Variants in USP35 observed in about 807,000 individuals in gnomAD.
USP35 encodes ubiquitin specific peptidase 35, also known as ubiquitin carboxyl-terminal hydrolase 35.
A neutral mutation model predicts 83.8 loss-of-function variants in USP35; 69 were observed. The ratio of observed to expected loss-of-function variants is 0.82; its 90% CI spans 0.68 to 1.01. USP35 has a LOEUF of 1.01. Ranked by LOEUF, USP35 falls within the 50% of genes least tolerant of loss-of-function variation. The pLI is 0.00. For synonymous variants in USP35, 714 were observed against 589.5 expected, an observed-to-expected ratio of 1.21 and a Z score of -3.06; for missense variants, 1,503 against 1,362.5, an observed-to-expected ratio of 1.10 and a Z score of -1.62.
chr11:78,226,167 G>A, the USP35 span, among the ~76,000 whole-genome samples: 1 of 152,074 alleles, frequency 6.6e-6, no homozygotes, highest in African/African-American at 2.4e-5. Flanking sequence ...ACAATGATTT[G>A]GGCTTCTAAA....
At chr11:78,191,841 C>CTTTTTT (rs1215811595) in intron 1 of USP35, among the ~76,000 whole-genome samples, 1 of 133,468 alleles carries the variant, frequency 7.5e-6, no homozygotes, top group Admixed American at 7.6e-5. Context: ...CGGCCCTCAT[C>CTTTTTT]TTTTTTTTTT....
intron 1 of USP35, among the ~76,000 whole-genome samples, chr11:78,190,223 A>G (rs1862960036): frequency 1.3e-5 from 2 of 152,124 alleles, no homozygotes; most frequent in African/African-American, 4.8e-5. Flanking sequence ...CCTGAAGGCT[A>G]ACCAGGAACA....
Position 78,196,815 on chromosome 11 carries a change from G to C in USP35, c.570G>C (p.Glu190Asp). 1 of 1,532,644 alleles carries C rather than the reference G, an allele frequency of 6.5e-7. No homozygotes were observed. 94.9% of individuals were successfully genotyped at this position (1,532,644 alleles called of 1,614,324 possible). ...AGGAGGGCGCCGTGGAGTTCCTAGA[G>C]CAGGCCCAGCAGGTGAGCGGGCTCC... ...EGEEGAVEFL[E>D]QAQQVSGLLA... The change falls in exon 2 of 11, where the codon GAG (glutamate) becomes GAC (aspartate). Residue 190 changes from glutamate (E) to aspartate (D), a missense_variant. Physicochemically the swap from Glu to Asp is conservative, Grantham distance 45. Coordinates refer to ENST00000529308, the MANE Select transcript of USP35 (RefSeq NM_020798.4). The surrounding 1 kb of genome is among the most constrained non-coding windows in gnomAD (Gnocchi z 4.8).
chr11:78,228,125 T>A, the USP35 span, among the ~76,000 whole-genome samples: 2 of 152,174 alleles, frequency 1.3e-5, no homozygotes, highest in African/African-American at 4.8e-5. Context: ...CTCTCTCAGG[T>A]GGGACCTAGT....
chr11:78,196,652 C>T lies in USP35; in HGVS notation c.407C>T (p.Pro136Leu). 1.4e-6 allele frequency: 2 copies of T among 1,393,398 alleles called. No individual in the cohort carries two copies. The highest frequency in any genetic ancestry group is 1.8e-6 in the Non-Finnish European group (2 of 1,082,628). The allele number at this position is 1,393,398 out of a possible 1,614,324, so 86.3% of individuals were successfully genotyped here. The stretch of plus-strand genomic sequence containing the variant: ...GTGCTGCGCACCGTGTGCGAGCGCC[C>T]GGGCCCCGCGGCCTGCGCGCAGGTG... ...REVLRTVCER[P>L]GPAACAQVAR... The change falls in exon 2 of 11, where the codon CCG becomes CTG. Residue 136 changes from proline to leucine, a missense_variant. Pro to Leu is a moderately conservative substitution (Grantham distance 98, BLOSUM62 -3). Transcript: ENST00000529308. This position sits in a 1 kb window ranked among gnomAD's most constrained non-coding sequence, Gnocchi z 4.8.
In USP35 at chr11:78,196,403, C is replaced by T. The variant is rs1418516247; in HGVS notation, c.158C>T (p.Ala53Val). ...GGCGCGCGCCTCTACGTGGGCGGCG[C>T]GGAGGAGCTGCCGCGCCGCGTGGGC... is the stretch of plus-strand genomic sequence containing the variant. ...ALGARLYVGG[A>V]EELPRRVGCQ... Residue 53 changes from alanine to valine, a missense_variant, in exon 2 of 11, where the codon GCG (alanine) becomes GTG (valine). Transcript: ENST00000529308. This position sits in a 1 kb window ranked among gnomAD's most constrained non-coding sequence, Gnocchi z 4.8. 3.0e-6 allele frequency: 4 copies of T among 1,354,542 alleles called. No homozygotes were observed. The highest frequency in any genetic ancestry group is 3.4e-5 in the South Asian group (2 of 58,874). The allele number at this position is 1,354,542 out of a possible 1,614,324, so 83.9% of individuals were successfully genotyped here.
At chr11:78,197,771 G>A (rs1863198332) in intron 2 of USP35, among the ~76,000 whole-genome samples, 165 bp from the exon 3 acceptor site, 1 of 152,232 alleles carries the variant, frequency 6.6e-6, no homozygotes, top group Admixed American at 6.5e-5. Flanking sequence ...TGTTGAGTGA[G>A]TTTAGGTGGA....
intron 2 of USP35, among the ~76,000 whole-genome samples, chr11:78,197,239 G>C (rs887156850): frequency 4.2e-5 from 1 of 23,692 alleles, no homozygotes; most frequent in African/African-American, 1.9e-4. Context: ...CGGGGGAGGT[G>C]GGGGGGGGGG....
the USP35 span, among the ~76,000 whole-genome samples, chr11:78,232,270 G>A: frequency 1.3e-5 from 2 of 152,144 alleles, no homozygotes; most frequent in African/African-American, 4.8e-5. Flanking sequence ...CAGTGATTCT[G>A]GAATCTCACC....
At chr11:78,200,359 C>A in intron 5 of USP35, 125 bp downstream of exon 5, 1 of 1,179,594 alleles carries the variant, frequency 8.5e-7, no homozygotes, top group Non-Finnish European at 1.2e-6. Flanking sequence ...GGTCACTTGG[C>A]TGAGGCCAAG....
Position 78,196,149 on chromosome 11 carries a change from C to T in USP35, c.-10-87C>T. The T allele has an allele frequency of 6.8e-7, 1 of 1,460,278 alleles. No homozygotes were observed. Among genetic ancestry groups the T allele is most frequent in the South Asian group, 1.4e-5 (1 of 72,006 alleles). 90.5% of individuals were successfully genotyped at this position (1,460,278 alleles called of 1,614,324 possible). A position where few individuals can be genotyped will look rare whatever the true frequency, so the allele number is the denominator to read the frequency against. The stretch of plus-strand genomic sequence containing the variant: ...AGGCCCAGAAAGTTTGAGTTGCTTG[C>T]CCTAAGTCTCAGCACTCGGGGACTG... On this transcript the variant is annotated intron_variant, in intron 1 of 10. Transcript: ENST00000529308. The surrounding 1 kb of genome is among the most constrained non-coding windows in gnomAD (Gnocchi z 4.8).
chr11:78,203,387 C>T (rs1863419446), intron 6 of USP35, among the ~76,000 whole-genome samples: 1 of 151,960 alleles, frequency 6.6e-6, no homozygotes, highest in African/African-American at 2.4e-5. Flanking sequence ...CAGAGCAGTG[C>T]CTTGAAAACT....
downstream of USP35, chr11:78,217,319 C>G (rs757915106): frequency 2.6e-5 from 4 of 152,188 alleles, no homozygotes; most frequent in Non-Finnish European, 4.4e-5. Flanking sequence ...TGCTTAACCC[C>G]AGAAACTGGA....
chr11:78,217,208 C>T (rs2629609), downstream of USP35: 1 of 152,404 alleles, frequency 6.6e-6, no homozygotes, highest in Non-Finnish European at 1.5e-5. Context: ...TTTGAAGTCT[C>T]TGTCTGATGG....
At chr11:78,212,842 C>T (rs1179907905) in intron 10 of USP35, among the ~76,000 whole-genome samples, 1 of 151,836 alleles carries the variant, frequency 6.6e-6, no homozygotes, top group Non-Finnish European at 1.5e-5. Context: ...CCCATTAATG[C>T]AGTTAATAAG....
chr11:78,200,347 C>A, intron 5 of USP35, 113 bp downstream of exon 5: 4 of 1,302,560 alleles, frequency 3.1e-6, no homozygotes, highest in Middle Eastern at 2.0e-4. Context: ...GCTCTTGGGG[C>A]AGGTCACTTG....
intron 8 of USP35, among the ~76,000 whole-genome samples, 179 bp from the exon 9 acceptor site, chr11:78,208,678 G>T (rs1461671151): frequency 6.6e-6 from 1 of 152,212 alleles, no homozygotes; most frequent in Non-Finnish European, 1.5e-5. Flanking sequence ...CTGCTCAGAG[G>T]CGTGGACATG....
At chr11:78,227,126 C>G in the USP35 span, 2 of 993,936 alleles carry the variant, frequency 2.0e-6, no homozygotes, top group South Asian at 2.7e-5. Context: ...AAAGCACTTT[C>G]TCTTTCTATA....
chr11:78,231,338 T>G, the USP35 span, among the ~76,000 whole-genome samples: 551 of 130,752 alleles, frequency 4.2e-3, 7 homozygotes, highest in Middle Eastern at 0.022. Context: ...GCGTGTGTGG[T>G]GTGTGTGTGT....
Sources: gnomAD v4.1 joint callset for allele counts (sites outside exome capture counted in the v4.1 genomes callset) on GRCh38, gnomAD v4.1.1 for gene constraint, Gnocchi (gnomAD v3.1) non-coding constraint, MANE v1.5 for transcripts, NCBI Gene and HGNC (gene_info 2026-07-23, HGNC 2026-07-21) for gene names.